DPYD: variants seen among roughly 807,000 people sequenced by gnomAD.
DPYD encodes dihydropyrimidine dehydrogenase [NADP(+)].
DPYD carries 109 observed loss-of-function variants against 116.2 expected under a neutral mutation model. That is an observed-to-expected ratio of 0.94 (90% CI 0.80 to 1.10). The LOEUF is 1.10. DPYD is among the 50% of genes least tolerant of loss of function. The pLI, the probability that DPYD is intolerant of heterozygous loss-of-function variation, is 0.00. For synonymous variants in DPYD, 440 were observed against 432.0 expected (o/e 1.02, Z -0.23); for missense variants, 1,302 against 1,254.5 (o/e 1.04, Z -0.57).
chr1:97,801,521 G>C (rs565992676), intron 3 of DPYD, among the ~76,000 whole-genome samples: 1 of 151,868 alleles, frequency 6.6e-6, no homozygotes, highest in East Asian at 1.9e-4. Flanking sequence ...TTAGATAGTT[G>C]TAAGTTCTCA....
chr1:97,123,519 T>C (rs902052893), intron 20 of DPYD, among the ~76,000 whole-genome samples: 1 of 152,098 alleles, frequency 6.6e-6, no homozygotes, highest in African/African-American at 2.4e-5. Flanking sequence ...AGTAAATATA[T>C]GAAGAAAAAT....
intron 8 of DPYD, among the ~76,000 whole-genome samples, chr1:97,644,406 T>C (rs1461424767): frequency 1.3e-5 from 2 of 151,968 alleles, no homozygotes; most frequent in Non-Finnish European, 2.9e-5. Context: ...TGGTAATACA[T>C]TATAAAGTGA....
At chr1:97,665,174 C>T (rs187031980) in intron 8 of DPYD, among the ~76,000 whole-genome samples, 28 of 152,146 alleles carry the variant, frequency 1.8e-4, no homozygotes. Context: ...CTAGAGTACT[C>T]CATTAACCAA....
intron 20 of DPYD, among the ~76,000 whole-genome samples, chr1:97,159,731 T>C (rs1001014003): frequency 1.4e-4 from 22 of 152,052 alleles, no homozygotes; most frequent in Middle Eastern, 3.4e-3. Flanking sequence ...TAAGGAGATA[T>C]GAAAAAATGG....
At chr1:97,850,102 G>A (rs1380500661) in intron 2 of DPYD, among the ~76,000 whole-genome samples, 2 of 152,154 alleles carry the variant, frequency 1.3e-5, no homozygotes, top group East Asian at 3.8e-4. Flanking sequence ...AAAAAATAAT[G>A]GACAGCTCAT....
chr1:97,449,020 G>A (rs986312974), intron 14 of DPYD, among the ~76,000 whole-genome samples: 1 of 151,382 alleles, frequency 6.6e-6, no homozygotes, highest in Non-Finnish European at 1.5e-5. Flanking sequence ...AAATTATCAA[G>A]AGATAATTTT....
At chr1:97,690,110 ATT>A (rs1370367275) in intron 7 of DPYD, among the ~76,000 whole-genome samples, 4 of 152,122 alleles carry the variant, frequency 2.6e-5, no homozygotes, top group Non-Finnish European at 4.4e-5. Flanking sequence ...TTTCTGAGAT[ATT>A]CTTTGCATAT....
At position 97,152,439 on chromosome 1, in the gene DPYD, TACACACAC is replaced by T. The variant is rs71590217; in HGVS notation, c.2622+40622_2622+40629del. Among the ~76,000 whole-genome samples, 12 of 145,268 alleles carry T rather than the reference TACACACAC, an allele frequency of 8.3e-5. No individual in the cohort carries two copies. In the South Asian group the frequency reaches 8.7e-4, roughly 11 times the overall value. ...TTTGTTAGGTGATGGCTGAATCACA[TACACACAC>T]ACACACACACACACACACACACACT... On this transcript the variant is annotated intron_variant, in intron 20 of 22. Transcript: ENST00000370192.
Position 97,578,407 on chromosome 1 carries a change from T to C in DPYD, c.1129-4437A>G, listed in dbSNP as rs191745625. Among the ~76,000 whole-genome samples, 659 of 152,156 alleles carry C rather than the reference T, an allele frequency of 4.3e-3. 8 individuals are homozygous for C. Among genetic ancestry groups the C allele is most frequent in the African/African-American group, 0.015 (626 of 41,496 alleles). On this transcript the variant is annotated intron_variant, in intron 10 of 22. Transcript: ENST00000370192. ...GCCAAAACCGCACTGGGCATCATCA[T>C]GATTTTACAGATTTAGCATACAGCC...
intron 4 of DPYD, among the ~76,000 whole-genome samples, chr1:97,734,388 T>C (rs928888938): frequency 3.9e-5 from 6 of 152,176 alleles, no homozygotes; most frequent in Non-Finnish European, 7.4e-5. Flanking sequence ...GTTTGAGAAA[T>C]GTATATTCCA....
At chr1:97,538,613 T>C (rs565047544) in intron 12 of DPYD, among the ~76,000 whole-genome samples, 21 of 152,334 alleles carry the variant, frequency 1.4e-4, no homozygotes, top group African/African-American at 4.8e-4. Flanking sequence ...ATGAACCTAA[T>C]AAACACCTAT....
chr1:97,426,533 T>TGCTG (rs961339045), intron 14 of DPYD, among the ~76,000 whole-genome samples: 1 of 151,738 alleles, frequency 6.6e-6, no homozygotes, highest in Non-Finnish European at 1.5e-5. Flanking sequence ...TGACATAGAA[T>TGCTG]GCTGACTCAA....
intron 16 of DPYD, among the ~76,000 whole-genome samples, chr1:97,312,990 T>C (rs1394119938): frequency 6.6e-6 from 1 of 151,894 alleles, no homozygotes; most frequent in Non-Finnish European, 1.5e-5. Context: ...TTGGCAAATA[T>C]TTATTGACCA....
intron 15 of DPYD, among the ~76,000 whole-genome samples, chr1:97,374,894 C>T (rs535539778): frequency 4.2e-4 from 63 of 150,760 alleles, no homozygotes; most frequent in African/African-American, 1.5e-3. Context: ...CTGGGTGTGG[C>T]GGCCTGTGCC....
intron 16 of DPYD, among the ~76,000 whole-genome samples, chr1:97,328,722 G>C (rs1440339284): frequency 7.9e-5 from 12 of 151,878 alleles, no homozygotes; most frequent in Admixed American, 7.9e-4. Flanking sequence ...ACTAGAAAAG[G>C]GAAAAATGGT....
At chr1:97,518,254 T>A (rs1648377451) in intron 12 of DPYD, among the ~76,000 whole-genome samples, 1 of 152,044 alleles carries the variant, frequency 6.6e-6, no homozygotes, top group Non-Finnish European at 1.5e-5. Context: ...TTTTTTCTTT[T>A]ATTCACAAAA....
At chr1:97,332,894 A>T (rs2101170084) in intron 16 of DPYD, among the ~76,000 whole-genome samples, 1 of 152,270 alleles carries the variant, frequency 6.6e-6, no homozygotes, top group East Asian at 1.9e-4. Context: ...AACTTGAATC[A>T]TGCAGTGAGG....
intron 21 of DPYD, among the ~76,000 whole-genome samples, chr1:97,083,319 A>G (rs1273454927): frequency 6.6e-6 from 1 of 152,100 alleles, no homozygotes; most frequent in East Asian, 1.9e-4. Context: ...TTTGAATTCA[A>G]GGTCCATGTT....
Position 97,765,531 on chromosome 1 carries a change from C to T in DPYD, c.234-25052G>A, listed in dbSNP as rs80241286. Among the ~76,000 whole-genome samples the T allele has an allele frequency of 3.3e-3, 500 of 152,282 alleles. 1 individual carries two copies. Among genetic ancestry groups the T allele is most frequent in the Middle Eastern group, 0.024 (7 of 294 alleles). On this transcript the variant is annotated intron_variant, in intron 3 of 22. Transcript: ENST00000370192. Reference sequence around the variant, plus strand: ...TTCCATTTTTACTTAACAGCTCACACCTCCCAGGTGGGTTTAGGAAATGAA... The same window carrying T: ...TTCCATTTTTACTTAACAGCTCACATCTCCCAGGTGGGTTTAGGAAATGAA...
Sources: gnomAD v4.1 joint callset for allele counts (sites outside exome capture counted in the v4.1 genomes callset) on GRCh38, gnomAD v4.1.1 for gene constraint, MANE v1.5 for transcripts, NCBI Gene and HGNC (gene_info 2026-07-23, HGNC 2026-07-21) for gene names.